OR6J1: variants seen among roughly 807,000 people sequenced by gnomAD.
OR6J1 encodes the protein olfactory receptor 6J1.
For synonymous variants in OR6J1, 109 were observed against 70.0 expected (o/e 1.56, Z -2.78); for missense variants, 304 against 166.8 (o/e 1.82, Z -4.53).
chr14:22,643,762 C>CAGAGAGAGAGAGAG (rs71421136), intron 1 of OR6J1, among the ~76,000 whole-genome samples: 72 of 53,106 alleles, frequency 1.4e-3, no homozygotes, highest in Admixed American at 5.3e-3. Flanking sequence ...CACACACACA[C>CAGAGAGAGAGAGAG]ACAGAGAGAG....
At position 22,644,321 on chromosome 14, in the gene OR6J1, A is replaced by T. The variant is rs1861290615; in HGVS notation, c.-251T>A. 1 of 152,208 alleles carries T rather than the reference A, an allele frequency of 6.6e-6. No individual in the cohort carries two copies. The highest frequency in any genetic ancestry group is 2.1e-4 in the South Asian group (1 of 4,826). The allele number at this position is 152,208 out of a possible 1,614,324, so 9.4% of individuals were successfully genotyped here. On this transcript the variant is annotated 5_prime_UTR_variant, in exon 1 of 2. Coordinates refer to ENST00000540461, the MANE Select transcript of OR6J1 (RefSeq NM_001348233.2). ...ACGAGCATGCACTTGTGTTGTAGACAGCTGGAAGGTACATGTTGGATTTTT... is the reference window on the plus strand; with the variant it reads ...ACGAGCATGCACTTGTGTTGTAGACTGCTGGAAGGTACATGTTGGATTTTT...
In OR6J1 at chr14:22,641,210, T is replaced by TAAAGAAAGAAAGAAAGA. The variant is rs1163938326; in HGVS notation, c.-28+2887_-28+2888insTCTTTCTTTCTTTCTTT. Among the ~76,000 whole-genome samples the TAAAGAAAGAAAGAAAGA allele has an allele frequency of 5.5e-3, 672 of 122,582 alleles. 58 individuals carry two copies. Among genetic ancestry groups the TAAAGAAAGAAAGAAAGA allele is most frequent in the South Asian group, 9.5e-3 (36 of 3,778 alleles). 80.4% of individuals were successfully genotyped at this position (122,582 alleles called of 152,430 possible). A position where few individuals can be genotyped will look rare whatever the true frequency, so the allele number is the denominator to read the frequency against. ...AGAGAGACAGAGAGGGAGAGAAAGA[T>TAAAGAAAGAAAGAAAGA]AAGAAAGAAAGAAAGAAAGAAAGAA... On this transcript the variant is annotated intron_variant, in intron 1 of 1. Coordinates refer to ENST00000540461, the MANE Select transcript of OR6J1 (RefSeq NM_001348233.2).
intron 1 of OR6J1, among the ~76,000 whole-genome samples, chr14:22,637,153 A>G (rs1594902086): frequency 9.1e-6 from 1 of 109,894 alleles, no homozygotes; most frequent in Non-Finnish European, 1.7e-5. Context: ...CCTGTCTGAG[A>G]AGTGAGGAAA....
chr14:22,635,520 A>G (rs866622359), intron 1 of OR6J1, among the ~76,000 whole-genome samples: 2 of 152,230 alleles, frequency 1.3e-5, no homozygotes, highest in African/African-American at 4.8e-5. Flanking sequence ...GTCCTAGAGT[A>G]GCCAAGAAGA....
At chr14:22,641,847 C>T (rs1417796216) in intron 1 of OR6J1, among the ~76,000 whole-genome samples, 1 of 152,130 alleles carries the variant, frequency 6.6e-6, no homozygotes, top group Non-Finnish European at 1.5e-5. Context: ...GGCCATTAGT[C>T]TGGAAAGCAA....
intron 1 of OR6J1, among the ~76,000 whole-genome samples, chr14:22,643,754 CACACACACACAGAG>C (rs1455656357): frequency 1.3e-4 from 12 of 93,064 alleles, no homozygotes; most frequent in African/African-American, 4.7e-4. Context: ...CACACACACA[CACACACACACAGAG>C]AGAGAGAGAG....
At position 22,631,254 on chromosome 14, in the gene OR6J1, G is replaced by A. The variant is rs1291644674; in HGVS notation, c.*2514C>T. ...CAGTCTGACCAAAATTTATTAGGTG[G>A]AAATTTCCTCTTCCTAATAAGCCTG... On this transcript the variant is annotated 3_prime_UTR_variant, in exon 2 of 2. Transcript: ENST00000540461. The A allele has an allele frequency of 6.6e-6, 1 of 152,166 alleles. No homozygotes were observed. Among genetic ancestry groups the A allele is most frequent in the Non-Finnish European group, 1.5e-5 (1 of 68,040 alleles). 9.4% of individuals were successfully genotyped at this position (152,166 alleles called of 1,614,324 possible).
rs1180127664 is a variant in OR6J1 at position 22,631,428 on chromosome 14, A to G, written c.*2340T>C. On this transcript the variant is annotated 3_prime_UTR_variant, in exon 2 of 2. Transcript: ENST00000540461. Reference sequence around the variant, plus strand: ...TGTTCCTTGCTGAGAAAAAGAATTCAGTGATATTCCTCCCATTTGCTTTTG... The same window carrying G: ...TGTTCCTTGCTGAGAAAAAGAATTCGGTGATATTCCTCCCATTTGCTTTTG... 6.6e-6 allele frequency: 1 copy of G among 152,222 alleles called. No homozygotes were observed. Among genetic ancestry groups the G allele is most frequent in the East Asian group, 1.9e-4 (1 of 5,200 alleles). The allele number at this position is 152,222 out of a possible 1,614,324, so 9.4% of individuals were successfully genotyped here.
chr14:22,634,935 T>C, intron 1 of OR6J1, 97 bp from the exon 2 acceptor site: 1 of 581,450 alleles, frequency 1.7e-6, no homozygotes. Flanking sequence ...ACATGATGAC[T>C]GCCAGCTAGA....
At position 22,634,201 on chromosome 14, in the gene OR6J1, A is replaced by G; in HGVS notation, c.611T>C (p.Met204Thr). 1 of 703,532 alleles carries G rather than the reference A, an allele frequency of 1.4e-6. No individual in the cohort carries two copies. Among genetic ancestry groups the G allele is most frequent in the South Asian group, 1.5e-5 (1 of 67,596 alleles). The allele number at this position is 703,532 out of a possible 1,614,324, so 43.6% of individuals were successfully genotyped here. A position where few individuals can be genotyped will look rare whatever the true frequency, so the allele number is the denominator to read the frequency against. Residue 204 changes from methionine to threonine, a missense_variant, in exon 2 of 2, where the codon ATG (methionine) becomes ACG (threonine). By Grantham distance (81) the Met-to-Thr change is moderately conservative (BLOSUM62 -1). Transcript: ENST00000540461. ...GAGGACTATGCAGCAGAGGATGACC[A>G]TGGAAGAAAGCATAAAATCCATCAG... ...IELMDFMLSS[M>T]VILCCIVLVA... is the part of the protein sequence containing the mutation.
At chr14:22,637,552 T>TCCGGGAGGGAGGTGGGGGGATCA (rs2037600532) in intron 1 of OR6J1, among the ~76,000 whole-genome samples, 1 of 13,556 alleles carries the variant, frequency 7.4e-5, no homozygotes, top group African/African-American at 6.5e-4. Context: ...GTCAGCCCCC[T>TCCGGGAGGGAGGTGGGGGGATCA]GCCCGGCCAG....
chr14:22,642,857 C>T (rs900880228), intron 1 of OR6J1, among the ~76,000 whole-genome samples: 1 of 151,964 alleles, frequency 6.6e-6, no homozygotes, highest in Admixed American at 6.6e-5. Flanking sequence ...GGCTGTAGTG[C>T]AGTGGCATGA....
intron 1 of OR6J1, among the ~76,000 whole-genome samples, chr14:22,643,758 C>CAGAGAGAGAGAGAGAG (rs1235103171): frequency 9.9e-5 from 6 of 60,718 alleles, no homozygotes; most frequent in East Asian, 7.8e-4. Context: ...CACACACACA[C>CAGAGAGAGAGAGAGAG]ACACACAGAG....
intron 1 of OR6J1, among the ~76,000 whole-genome samples, chr14:22,642,101 T>C (rs1458860069): frequency 6.6e-6 from 1 of 151,938 alleles, no homozygotes; most frequent in African/African-American, 2.4e-5. Flanking sequence ...GAACCTGTCC[T>C]CACGACCTGC....
At chr14:22,643,456 C>T (rs192337467) in intron 1 of OR6J1, among the ~76,000 whole-genome samples, 46 of 151,508 alleles carry the variant, frequency 3.0e-4, no homozygotes, top group African/African-American at 9.9e-4. Context: ...CCACCATGCC[C>T]GGCCAATTTT....
Position 22,633,814 on chromosome 14 carries a change from G to A in OR6J1, c.998C>T (p.Ala333Val), listed in dbSNP as rs376336341. The change falls in exon 2 of 2, where the codon GCT becomes GTT. Residue 333 changes from alanine to valine, a missense_variant. Transcript: ENST00000540461. ...ATAGACACATGGTGGAGAAGAGCAAGCCCTTCCTTGGTGGTCTTTGTTGGA... is the reference window on the plus strand; with the variant it reads ...ATAGACACATGGTGGAGAAGAGCAAACCCTTCCTTGGTGGTCTTTGTTGGA... ...LSSNKDHQGR[A>V]CSSPPCVYSV... 5.7e-6 allele frequency: 4 copies of A among 700,946 alleles called. No homozygotes were observed. The highest frequency in any genetic ancestry group is 2.7e-5 in the East Asian group (1 of 37,306). 43.4% of individuals were successfully genotyped at this position (700,946 alleles called of 1,614,324 possible). A position where few individuals can be genotyped will look rare whatever the true frequency, so the allele number is the denominator to read the frequency against.
chr14:22,638,399 T>C (rs1349247040), intron 1 of OR6J1, among the ~76,000 whole-genome samples: 1 of 70,062 alleles, frequency 1.4e-5, no homozygotes, highest in Admixed American at 1.2e-4. Context: ...CACTCAGGGT[T>C]AAATGGATTA....
At chr14:22,637,522 T>C (rs1594902332) in intron 1 of OR6J1, among the ~76,000 whole-genome samples, 2 of 30,044 alleles carry the variant, frequency 6.7e-5, no homozygotes, top group Non-Finnish European at 1.3e-4. Flanking sequence ...AGCCGCCCCG[T>C]CCGGGAGGGG....
At position 22,643,772 on chromosome 14, in the gene OR6J1, G is replaced by C. The variant is rs985208053; in HGVS notation, c.-28+326C>G. ...ACACACACACACACACACAGAGAGA[G>C]AGAGAGAGAGAGAGAGAGAGAGAGA... On this transcript the variant is annotated intron_variant, in intron 1 of 1. Transcript: ENST00000540461. 3.0e-3 allele frequency among the ~76,000 whole-genome samples: 409 copies of C among 136,384 alleles called. 1 individual carries two copies. The highest frequency in any genetic ancestry group is 0.011 in the African/African-American group (376 of 33,156). 89.5% of individuals were successfully genotyped at this position (136,384 alleles called of 152,430 possible).
Sources: gnomAD v4.1 joint callset for allele counts (sites outside exome capture counted in the v4.1 genomes callset) on GRCh38, gnomAD v4.1.1 for gene constraint, MANE v1.5 for transcripts, NCBI Gene and HGNC (gene_info 2026-07-23, HGNC 2026-07-21) for gene names.